Variants in PLCB1 observed in about 807,000 individuals in gnomAD.
The protein encoded by PLCB1 is phospholipase C beta 1, also known as 1-phosphatidylinositol 4,5-bisphosphate phosphodiesterase beta-1.
Under a neutral mutation model 161.8 loss-of-function variants are expected in PLCB1, and 46 were observed. That is an observed-to-expected ratio of 0.28 (90% CI 0.22 to 0.36). PLCB1 has a LOEUF of 0.36. Ranked by LOEUF, PLCB1 falls within the 10% of genes least tolerant of loss-of-function variation. The pLI, the probability that PLCB1 is intolerant of heterozygous loss-of-function variation, is 1.00. For missense variants in PLCB1, 1,016 were observed against 1,472.5 expected, an observed-to-expected ratio of 0.69 and a Z score of 5.07; for synonymous variants, 517 against 503.7, an observed-to-expected ratio of 1.03 and a Z score of -0.35.
chr20:8,840,650 A>G (rs116404135), intron 31 of PLCB1, among the ~76,000 whole-genome samples: 149 of 152,280 alleles, frequency 9.8e-4, no homozygotes, highest in African/African-American at 3.5e-3. Context: ...ATATCTTCAT[A>G]AATGCCATAA....
intron 2 of PLCB1, among the ~76,000 whole-genome samples, chr20:8,244,124 G>A (rs1980753345): frequency 6.6e-6 from 1 of 151,948 alleles, no homozygotes; most frequent in Non-Finnish European, 1.5e-5. Context: ...ATTTGGCAAA[G>A]ATATAGATAA....
intron 4 of PLCB1, among the ~76,000 whole-genome samples, chr20:8,644,710 G>A (rs1319969689): frequency 1.2e-4 from 18 of 150,026 alleles, no homozygotes; most frequent in South Asian, 1.1e-3. Flanking sequence ...AGGTGGGGGG[G>A]TCAGCCCCCC....
At chr20:8,364,477 A>G (rs78288529) in intron 2 of PLCB1, among the ~76,000 whole-genome samples, 1 of 152,310 alleles carries the variant, frequency 6.6e-6, no homozygotes, top group East Asian at 1.9e-4. Context: ...CTGCTGTATT[A>G]ATGAACTTTC....
At chr20:8,611,458 A>T (rs1204699301) in intron 3 of PLCB1, among the ~76,000 whole-genome samples, 1 of 152,134 alleles carries the variant, frequency 6.6e-6, no homozygotes, top group African/African-American at 2.4e-5. Flanking sequence ...ACATCAAGTT[A>T]CCTAGTCAGT....
chr20:8,534,173 G>A (rs529702488), intron 3 of PLCB1, among the ~76,000 whole-genome samples: 2 of 152,238 alleles, frequency 1.3e-5, no homozygotes, highest in East Asian at 3.9e-4. Flanking sequence ...TGCAATCACA[G>A]CTCAGTGCAG....
At chr20:8,849,955 G>A (rs1049093064) in intron 31 of PLCB1, among the ~76,000 whole-genome samples, 1 of 150,196 alleles carries the variant, frequency 6.7e-6, no homozygotes, top group African/African-American at 2.4e-5. Flanking sequence ...GGAGGTTGCA[G>A]TGAGCCGAGA....
At position 8,783,049 on chromosome 20, in the gene PLCB1, T is replaced by C. The variant is rs550652520; in HGVS notation, c.3112-5400T>C. Among the ~76,000 whole-genome samples the C allele has an allele frequency of 3.3e-5, 5 of 152,344 alleles. No homozygotes were observed. The East Asian group carries it at 9.7e-4, about 29-fold the overall frequency. ...CAGAGTTGAGAACAAGCGTGAAGTT[T>C]TATTCCCCAGGGCCTTTCTGTTAAC... On this transcript the variant is annotated intron_variant, in intron 27 of 31. Coordinates refer to ENST00000338037, the MANE Select transcript of PLCB1 (RefSeq NM_015192.4).
chr20:8,792,402 G>T (rs918169268), intron 31 of PLCB1, among the ~76,000 whole-genome samples: 1 of 152,156 alleles, frequency 6.6e-6, no homozygotes, highest in Non-Finnish European at 1.5e-5. Context: ...GAACAAAACT[G>T]ATATTTTATC....
intron 3 of PLCB1, among the ~76,000 whole-genome samples, chr20:8,446,716 A>G (rs182063936): frequency 7.9e-4 from 121 of 152,348 alleles, no homozygotes; most frequent in Admixed American, 1.0e-3. Flanking sequence ...CATAGGAAAA[A>G]TCAAGGTGAG....
chr20:8,684,562 AACAT>A (rs978506021), intron 9 of PLCB1, among the ~76,000 whole-genome samples: 12 of 152,174 alleles, frequency 7.9e-5, no homozygotes, highest in Non-Finnish European at 1.5e-5. Flanking sequence ...ATTATAAAGT[AACAT>A]ACATTAATAA....
chr20:8,343,571 T>C (rs1453360071), intron 2 of PLCB1, among the ~76,000 whole-genome samples: 2 of 152,180 alleles, frequency 1.3e-5, no homozygotes, highest in Admixed American at 1.3e-4. Flanking sequence ...TAAAAATAAT[T>C]ACTTTGTACA....
rs780896920 is a variant in PLCB1, at chr20:8,651,563, T to A, written c.594+2114T>A. The A allele has an allele frequency of 7.0e-5, 50 of 713,234 alleles. No individual in the cohort carries two copies. In the East Asian group the frequency reaches 1.3e-3, roughly 19 times the overall value. The allele number at this position is 713,234 out of a possible 1,614,324, so 44.2% of individuals were successfully genotyped here. A position where few individuals can be genotyped will look rare whatever the true frequency, so the allele number is the denominator to read the frequency against. ...TAGATGCTTTGGAATAGGAAAAATA[T>A]AACAATTAAGGTCCTGTCCCCGACT... On this transcript the variant is annotated intron_variant, in intron 7 of 31. Transcript: ENST00000338037.
chr20:8,424,134 C>T (rs1345738517), intron 3 of PLCB1, among the ~76,000 whole-genome samples: 10 of 152,126 alleles, frequency 6.6e-5, no homozygotes, highest in African/African-American at 2.4e-4. Flanking sequence ...GACACACACA[C>T]AGAAACACTC....
intron 19 of PLCB1, among the ~76,000 whole-genome samples, chr20:8,734,920 C>T (rs910321966): frequency 3.9e-5 from 6 of 152,178 alleles, no homozygotes; most frequent in Admixed American, 2.0e-4. Context: ...CAGTTGAGCA[C>T]ATTTTTACCT....
At chr20:8,722,079 C>CTCTAT (rs1979669276) in intron 14 of PLCB1, among the ~76,000 whole-genome samples, 1 of 151,988 alleles carries the variant, frequency 6.6e-6, no homozygotes, top group Non-Finnish European at 1.5e-5. Context: ...TGTTTAAAAA[C>CTCTAT]ATATAGAGAA....
intron 2 of PLCB1, among the ~76,000 whole-genome samples, chr20:8,247,602 TAGAC>T (rs999680968): frequency 5.9e-5 from 9 of 151,556 alleles, no homozygotes; most frequent in African/African-American, 2.2e-4. Flanking sequence ...TGAGTGAACT[TAGAC>T]AATTTAATAC....
Position 8,739,289 on chromosome 20 carries a change from G to C in PLCB1, c.2237G>C (p.Arg746Thr). Residue 746 changes from arginine to threonine, a missense_variant, in exon 21 of 32, where the codon AGA becomes ACA. Physicochemically the swap from Arg to Thr is moderately conservative, Grantham distance 71. This residue lies in a region of PLCB1 where 75 missense variants were observed against 117.0 expected (regional missense o/e 0.64). Transcript: ENST00000338037. ...GTTCTTCCTACTCTGGCCTGTTTGA[G>C]AATAGCAGTTTATGAAGAAGGAGGT... ...KVVLPTLACL[R>T]IAVYEEGGKF... 1 of 1,613,678 alleles carries C rather than the reference G, an allele frequency of 6.2e-7. No individual in the cohort carries two copies. The highest frequency in any genetic ancestry group is 8.5e-7 in the Non-Finnish European group (1 of 1,179,550).
At chr20:8,313,171 C>T (rs80162129) in intron 2 of PLCB1, among the ~76,000 whole-genome samples, 5,987 of 152,044 alleles carry the variant, frequency 0.039, 408 homozygotes, top group African/African-American at 0.14. Context: ...ATATCAATCA[C>T]CTATTTGTAA....
At chr20:8,747,434 C>T (rs1981227269) in intron 23 of PLCB1, among the ~76,000 whole-genome samples, 1 of 152,180 alleles carries the variant, frequency 6.6e-6, no homozygotes, top group Non-Finnish European at 1.5e-5. Flanking sequence ...CACAAGAATT[C>T]CCAACATCGT....
Sources: gnomAD v4.1 joint callset for allele counts (sites outside exome capture counted in the v4.1 genomes callset) on GRCh38, gnomAD v4.1.1 for gene constraint, gnomAD v4.1.1 regional missense constraint, MANE v1.5 for transcripts, NCBI Gene and HGNC (gene_info 2026-07-23, HGNC 2026-07-21) for gene names.